The following TGM6 variants were observed in gnomAD, a reference collection of about 807,000 sequenced individuals.
TGM6 encodes transglutaminase 6.
A neutral mutation model predicts 77.5 loss-of-function variants in TGM6; 74 were observed. That is an observed-to-expected ratio of 0.96 (90% CI 0.79 to 1.16). The LOEUF (loss-of-function observed/expected upper bound fraction) is 1.16, where lower values mean the gene tolerates loss of function less well. Ranked by LOEUF, TGM6 falls within the 50% of genes most tolerant of loss-of-function variation. The pLI is 0.00. For missense variants in TGM6, 968 were observed against 940.2 expected (o/e 1.03, Z -0.39); for synonymous variants, 383 against 378.9 (o/e 1.01, Z -0.12).
intron 1 of TGM6, among the ~76,000 whole-genome samples, chr20:2,387,540 G>T (rs2084604407): frequency 6.6e-6 from 1 of 152,124 alleles, no homozygotes; most frequent in Admixed American, 6.5e-5. Context: ...ATGCCAGCAG[G>T]GGCTTCTGGC....
chr20:2,397,842 C>A (rs375666042), intron 4 of TGM6, 76 bp from the exon 5 acceptor site: 4 of 1,612,216 alleles, frequency 2.5e-6, no homozygotes, highest in East Asian at 2.2e-5. Context: ...GGTGACTGAC[C>A]GGGTGAGGGC....
intron 9 of TGM6, among the ~76,000 whole-genome samples, chr20:2,412,210 C>T (rs1424490133): frequency 6.6e-6 from 1 of 152,134 alleles, no homozygotes; most frequent in African/African-American, 2.4e-5. Flanking sequence ...GGACATTATG[C>T]TAAGTGAAAT....
chr20:2,431,227 C>T (rs2084922451), intron 12 of TGM6, among the ~76,000 whole-genome samples, 200 bp downstream of exon 12: 1 of 143,866 alleles, frequency 7.0e-6, no homozygotes, highest in Admixed American at 6.9e-5. Context: ...TCATATAACT[C>T]ATTCACTCAG....
chr20:2,429,586 T>C (rs1363236678), intron 10 of TGM6, among the ~76,000 whole-genome samples: 7 of 151,282 alleles, frequency 4.6e-5, no homozygotes, highest in Non-Finnish European at 7.4e-5. Flanking sequence ...CTGGCGAACA[T>C]GGTGAAACCC....
At chr20:2,391,048 C>A (rs749710723) in intron 1 of TGM6, among the ~76,000 whole-genome samples, 11 of 132,866 alleles carry the variant, frequency 8.3e-5, no homozygotes, top group Non-Finnish European at 1.7e-4. Context: ...GAGACAGGAA[C>A]CAATGGAGAG....
chr20:2,403,830 G>A lies in TGM6; in HGVS notation c.1336+7G>A, dbSNP rs1374722551. 2 of 1,614,034 alleles carry A rather than the reference G, an allele frequency of 1.2e-6. No individual in the cohort carries two copies. Among genetic ancestry groups the A allele is most frequent in the South Asian group, 1.1e-5 (1 of 91,082 alleles). On this transcript the variant is annotated splice_region_variant and intron_variant, in intron 9 of 12. Coordinates refer to ENST00000202625, the MANE Select transcript of TGM6 (RefSeq NM_198994.3). ...CTCTACAAGTATCCGGAAGGTAAGG[G>A]CCACATGGCGGCCTTTATTACCTTC...
chr20:2,383,027 G>C (rs913377517), intron 1 of TGM6, among the ~76,000 whole-genome samples: 1 of 152,202 alleles, frequency 6.6e-6, no homozygotes, highest in Non-Finnish European at 1.5e-5. Context: ...GAGTTGATGA[G>C]TCACTGCCTC....
Position 2,427,523 on chromosome 20 carries a change from C to A in TGM6, c.1679-2923C>A, listed in dbSNP as rs149597765. ...TTTTGGTGATTTTCTCTATTGATCT[C>A]TGATTTTCAATTTTACTGATTTCTG... On this transcript the variant is annotated intron_variant, in intron 10 of 12. Transcript: ENST00000202625. 1.9e-4 allele frequency among the ~76,000 whole-genome samples: 29 copies of A among 152,178 alleles called. No individual in the cohort carries two copies. In the East Asian group the frequency reaches 5.0e-3, roughly 26 times the overall value.
In TGM6 at chr20:2,398,602, A is replaced by G. The variant is rs193163531; in HGVS notation, c.672+556A>G. Among the ~76,000 whole-genome samples, 280 of 152,246 alleles carry G rather than the reference A, an allele frequency of 1.8e-3. 3 individuals are homozygous for G. The highest frequency in any genetic ancestry group is 6.5e-3 in the African/African-American group (272 of 41,542). On this transcript the variant is annotated intron_variant, in intron 5 of 12. Transcript: ENST00000202625. ...CTGCCCCAAGCAATTCTTCCAAGAA[A>G]GAGGAAGTGGAAGCTCCCAGTCTTA...
intron 10 of TGM6, among the ~76,000 whole-genome samples, chr20:2,421,513 T>A (rs2084856394): frequency 6.6e-6 from 1 of 152,148 alleles, no homozygotes; most frequent in East Asian, 1.9e-4. Context: ...TATATCAGAG[T>A]TTACTATTCA....
chr20:2,406,341 G>T (rs1418404513), intron 9 of TGM6, among the ~76,000 whole-genome samples: 1 of 151,770 alleles, frequency 6.6e-6, no homozygotes, highest in Non-Finnish European at 1.5e-5. Flanking sequence ...AAATACAAAA[G>T]AATTAGCCAG....
chr20:2,381,619 A>T (rs2084555476), intron 1 of TGM6, among the ~76,000 whole-genome samples: 1 of 152,224 alleles, frequency 6.6e-6, no homozygotes, highest in East Asian at 1.9e-4. Flanking sequence ...TGTAAACAGT[A>T]GACTCAGAAA....
chr20:2,430,079 CAG>C (rs2084914415), intron 10 of TGM6, among the ~76,000 whole-genome samples: 1 of 152,160 alleles, frequency 6.6e-6, no homozygotes, highest in African/African-American at 2.4e-5. Context: ...GCTCAATAAA[CAG>C]AGAAGGATGG....
chr20:2,423,162 G>T (rs2084867695), intron 10 of TGM6, among the ~76,000 whole-genome samples: 1 of 151,666 alleles, frequency 6.6e-6, no homozygotes, highest in Non-Finnish European at 1.5e-5. Context: ...CCAGGGTAGT[G>T]GTTGCCAAAG....
chr20:2,413,000 GT>G lies in TGM6; in HGVS notation c.1337-4225del, dbSNP rs769888330. Among the ~76,000 whole-genome samples the G allele has an allele frequency of 4.1e-4, 62 of 152,264 alleles. No individual in the cohort carries two copies. The South Asian group carries it at 0.013, about 31-fold the overall frequency. On this transcript the variant is annotated intron_variant, in intron 9 of 12. Transcript: ENST00000202625. ...AAAATCCTATCAAAGTTACAGCTGA[GT>G]TTTTTTCCCCCAAATTAGCAACCTG...
intron 1 of TGM6, among the ~76,000 whole-genome samples, chr20:2,388,351 T>C (rs900598443): frequency 2.6e-5 from 4 of 152,336 alleles, no homozygotes; most frequent in Non-Finnish European, 4.4e-5. Context: ...GAAGCTCACG[T>C]TGAATTTTAC....
intron 1 of TGM6, among the ~76,000 whole-genome samples, chr20:2,390,326 C>T (rs1177643912): frequency 2.6e-5 from 4 of 152,104 alleles, no homozygotes; most frequent in Non-Finnish European, 1.5e-5. Context: ...TATGTATGTT[C>T]GCAGGCATAT....
chr20:2,421,990 G>C (rs568631136), intron 10 of TGM6, among the ~76,000 whole-genome samples: 22 of 152,216 alleles, frequency 1.4e-4, no homozygotes, highest in African/African-American at 4.6e-4. Flanking sequence ...AAAGTAGCTG[G>C]GCGTGGTGGT....
At chr20:2,387,954 C>G (rs1046118802) in intron 1 of TGM6, among the ~76,000 whole-genome samples, 7 of 152,248 alleles carry the variant, frequency 4.6e-5, no homozygotes, top group Admixed American at 2.0e-4. Flanking sequence ...AGGTGAGATT[C>G]TCCGTGGGCC....
Sources: gnomAD v4.1 joint callset for allele counts (sites outside exome capture counted in the v4.1 genomes callset) on GRCh38, gnomAD v4.1.1 for gene constraint, MANE v1.5 for transcripts, NCBI Gene and HGNC (gene_info 2026-07-23, HGNC 2026-07-21) for gene names.